IL7R: variants seen among roughly 807,000 people sequenced by gnomAD.
The protein encoded by IL7R is interleukin-7 receptor subunit alpha.
In IL7R, 38 loss-of-function variants were observed where a neutral mutation model predicts 47.0. The ratio of observed to expected loss-of-function variants is 0.81; its 90% CI spans 0.62 to 1.06. The LOEUF (loss-of-function observed/expected upper bound fraction) is 1.06, where lower values mean the gene tolerates loss of function less well. IL7R is among the 50% of genes least tolerant of loss of function. The probability of loss-of-function intolerance (pLI) is 0.00; values close to 1 mark genes in which losing one functional copy is unlikely to be tolerated. For missense variants in IL7R, 633 were observed against 534.8 expected, an observed-to-expected ratio of 1.18 and a Z score of -1.81; for synonymous variants, 221 against 199.8, an observed-to-expected ratio of 1.11 and a Z score of -0.89.
At chr5:35,862,439 A>C (rs1050032845) in intron 2 of IL7R, among the ~76,000 whole-genome samples, 1 of 152,028 alleles carries the variant, frequency 6.6e-6, no homozygotes, top group African/African-American at 2.4e-5. Flanking sequence ...ACCCTTTAAC[A>C]TATCTCTTGA....
intron 5 of IL7R, 28 bp from the exon 6 acceptor site, chr5:35,874,421 C>T (rs1760153391): frequency 6.7e-7 from 1 of 1,495,330 alleles, no homozygotes. Context: ...CTACTGAATG[C>T]TCACCACAAT....
Position 35,876,344 on chromosome 5 carries a change from G to C in IL7R, c.1238G>C (p.Ser413Thr), listed in dbSNP as rs756406426. Residue 413 changes from serine to threonine, a missense_variant, in exon 8 of 8, where the codon AGC (serine) becomes ACC (threonine). Transcript: ENST00000303115. The stretch of plus-strand genomic sequence containing the variant: ...CTGCTTAGCCTTGGGACTACAAACA[G>C]CACGCTGCCCCCTCCATTTTCTCTC... ...DLLLSLGTTN[S>T]TLPPPFSLQS... 18 of 1,613,114 alleles carry C rather than the reference G, an allele frequency of 1.1e-5. No homozygotes were observed. The highest frequency in any genetic ancestry group is 3.3e-5 in the Admixed American group (2 of 59,950).
At position 35,876,458 on chromosome 5, in the gene IL7R, C is replaced by G. The variant is rs1232767842; in HGVS notation, c.1352C>G (p.Thr451Ser). Residue 451 changes from threonine to serine, a missense_variant, in exon 8 of 8, where the codon ACC becomes AGC. By Grantham distance (58) the Thr-to-Ser change is moderately conservative. Transcript: ENST00000303115. ...TCAAATCAAGAAGAAGCATATGTCA[C>G]CATGTCCAGCTTCTACCAAAACCAG... is the stretch of plus-strand genomic sequence containing the variant. ...LGSNQEEAYV[T>S]MSSFYQNQ 6.2e-7 allele frequency: 1 copy of G among 1,604,864 alleles called. No homozygotes were observed. The highest frequency in any genetic ancestry group is 8.5e-7 in the Non-Finnish European group (1 of 1,179,944).
intron 2 of IL7R, 112 bp from the exon 3 acceptor site, chr5:35,867,194 T>C: frequency 2.1e-6 from 2 of 937,438 alleles, no homozygotes; most frequent in Non-Finnish European, 3.4e-6. Flanking sequence ...CCCACCCACA[T>C]ACCTATGAAC....
rs200217234 is a variant in IL7R, at chr5:35,876,296, G to A, written c.1190G>A (p.Gly397Glu). The change falls in exon 8 of 8, where the codon GGG becomes GAG. Residue 397 changes from glycine (G) to glutamate (E), a missense_variant. By Grantham distance (98) the Gly-to-Glu change is moderately conservative (BLOSUM62 -2). Transcript: ENST00000303115. ...SLDCRESGKN[G>E]PHVYQDLLLS... The stretch of plus-strand genomic sequence containing the variant: ...GACTGCAGGGAGAGTGGCAAGAATG[G>A]GCCTCATGTGTACCAGGACCTCCTG... The A allele has an allele frequency of 6.2e-7, 1 of 1,613,926 alleles. No homozygotes were observed. The highest frequency in any genetic ancestry group is 8.5e-7 in the Non-Finnish European group (1 of 1,179,894).
At chr5:35,867,595 T>A (rs746223072) in intron 3 of IL7R, 132 bp downstream of exon 3, 172 of 731,864 alleles carry the variant, frequency 2.4e-4, no homozygotes, top group Non-Finnish European at 3.6e-4. Context: ...AATTCCCTAC[T>A]GTAAATTTTT....
chr5:35,860,835 T>C lies in IL7R; in HGVS notation c.83-17T>C, dbSNP rs772498970. On this transcript the variant is annotated splice_polypyrimidine_tract_variant and intron_variant, in intron 1 of 7. Coordinates refer to ENST00000303115, the MANE Select transcript of IL7R (RefSeq NM_002185.5). ...TTTATTTGTTTCATTAACAGCTGCA[T>C]GTTTGTTCCTCCCCAGGAGACTTGG... 3 of 1,612,822 alleles carry C rather than the reference T, an allele frequency of 1.9e-6. No individual in the cohort carries two copies. Among genetic ancestry groups the C allele is most frequent in the Admixed American group, 1.7e-5 (1 of 59,960 alleles).
intron 3 of IL7R, among the ~76,000 whole-genome samples, chr5:35,869,811 C>G (rs1027744148): frequency 1.3e-5 from 2 of 152,204 alleles, no homozygotes; most frequent in Non-Finnish European, 2.9e-5. Flanking sequence ...CTGCTTCCCT[C>G]TAAGTCCAGG....
At chr5:35,869,242 G>C (rs1760012540) in intron 3 of IL7R, among the ~76,000 whole-genome samples, 1 of 152,140 alleles carries the variant, frequency 6.6e-6, no homozygotes, top group Non-Finnish European at 1.5e-5. Context: ...ACCCAGTAAG[G>C]CTGAAGAGGG....
chr5:35,875,424 C>T, intron 6 of IL7R, 88 bp from the exon 7 acceptor site: 1 of 946,018 alleles, frequency 1.1e-6, no homozygotes, highest in South Asian at 1.3e-5. Context: ...ATCTGTTCTT[C>T]TGATTCCAAG....
intron 4 of IL7R, among the ~76,000 whole-genome samples, chr5:35,871,494 G>A (rs1760074785): frequency 6.6e-6 from 1 of 152,110 alleles, no homozygotes; most frequent in African/African-American, 2.4e-5. Context: ...TTAATCCTCT[G>A]TATTCAGGGG....
rs766895607 is a variant in IL7R at position 35,875,542 on chromosome 5, C to G, written c.831C>G (p.Pro277=). Residue 277 remains proline (P), a synonymous_variant, in exon 7 of 8, where the codon CCC becomes CCG. Coordinates refer to ENST00000303115, the MANE Select transcript of IL7R (RefSeq NM_002185.5). ...RIKPIVWPSL[P]DHKKTLEHLC... ...AGCCTATCGTATGGCCCAGTCTCCC[C>G]GATCATAAGAAGACTCTGGAACATC... is the stretch of plus-strand genomic sequence containing the variant. The G allele has an allele frequency of 6.2e-7, 1 of 1,613,230 alleles. No homozygotes were observed. The highest frequency in any genetic ancestry group is 1.3e-5 in the African/African-American group (1 of 74,870).
rs1760124742 is a variant in IL7R at position 35,873,525 on chromosome 5, C to T, written c.583C>T (p.Leu195Phe). The change falls in exon 5 of 8, where the codon CTC becomes TTC. Residue 195 changes from leucine to phenylalanine, a missense_variant. Physicochemically the swap from Leu to Phe is conservative, Grantham distance 22. Coordinates refer to ENST00000303115, the MANE Select transcript of IL7R (RefSeq NM_002185.5). ...AAAGCTGACACTCCTGCAGAGAAAGCTCCAACCGGCAGCAATGTATGAGAT... is the reference window on the plus strand; with the variant it reads ...AAAGCTGACACTCCTGCAGAGAAAGTTCCAACCGGCAGCAATGTATGAGAT... ...STKLTLLQRK[L>F]QPAAMYEIKV... 3.7e-6 allele frequency: 6 copies of T among 1,614,022 alleles called. No individual in the cohort carries two copies. Among genetic ancestry groups the T allele is most frequent in the South Asian group, 1.1e-5 (1 of 91,074 alleles).
At chr5:35,864,058 G>T (rs1181869396) in intron 2 of IL7R, among the ~76,000 whole-genome samples, 1 of 151,924 alleles carries the variant, frequency 6.6e-6, no homozygotes, top group Admixed American at 6.6e-5. Context: ...CATACCCCAG[G>T]AGCAATCATA....
Position 35,877,565 on chromosome 5 carries a change from C to T in IL7R, c.*1079C>T, listed in dbSNP as rs886060538. 2.1e-5 allele frequency: 5 copies of T among 232,954 alleles called. No homozygotes were observed. Among genetic ancestry groups the T allele is most frequent in the Admixed American group, 5.6e-5 (1 of 17,768 alleles). The allele number at this position is 232,954 out of a possible 1,614,324, so 14.4% of individuals were successfully genotyped here. ...TGACCCTGGACATGGGTACGTTTGACGAGTGAGAGGAGGCATGACCCCTCC... is the reference window on the plus strand; with the variant it reads ...TGACCCTGGACATGGGTACGTTTGATGAGTGAGAGGAGGCATGACCCCTCC... On this transcript the variant is annotated 3_prime_UTR_variant, in exon 8 of 8. Transcript: ENST00000303115.
rs201512867 is a variant in IL7R at position 35,876,808 on chromosome 5, G to A, written c.*322G>A. On this transcript the variant is annotated 3_prime_UTR_variant, in exon 8 of 8. Coordinates refer to ENST00000303115, the MANE Select transcript of IL7R (RefSeq NM_002185.5). ...TTGAGGAGTGAGGAAGGCAGGAAGA[G>A]AGCATGAGAGGAAAGAAAGAAAGGA... 92 of 397,686 alleles carry A rather than the reference G, an allele frequency of 2.3e-4. No homozygotes were observed. Among genetic ancestry groups the A allele is most frequent in the Non-Finnish European group, 2.8e-4 (61 of 219,680 alleles). The allele number at this position is 397,686 out of a possible 1,614,324, so 24.6% of individuals were successfully genotyped here. A position where few individuals can be genotyped will look rare whatever the true frequency, so the allele number is the denominator to read the frequency against.
At chr5:35,863,494 C>T (rs2149897110) in intron 2 of IL7R, among the ~76,000 whole-genome samples, 1 of 152,244 alleles carries the variant, frequency 6.6e-6, no homozygotes, top group Admixed American at 6.5e-5. Flanking sequence ...ATCCAGTTCA[C>T]CAAGGGAAGC....
In IL7R at chr5:35,877,912, G is replaced by T. The variant is rs545436415; in HGVS notation, c.*1426G>T. On this transcript the variant is annotated 3_prime_UTR_variant, in exon 8 of 8. Transcript: ENST00000303115. ...CTGGCTGTTCACAGAACCACAAAGG[G>T]CAGATGCTGCACAGAAAACTAGAGA... 6.0e-5 allele frequency: 14 copies of T among 233,254 alleles called. No homozygotes were observed. The East Asian group carries it at 8.4e-4, about 14-fold the overall frequency. The allele number at this position is 233,254 out of a possible 1,614,324, so 14.4% of individuals were successfully genotyped here.
chr5:35,864,043 A>G (rs1307723082), intron 2 of IL7R, among the ~76,000 whole-genome samples: 1 of 152,048 alleles, frequency 6.6e-6, no homozygotes, highest in Non-Finnish European at 1.5e-5. Context: ...TTTCCAGTCA[A>G]TCTTCATACC....
Sources: gnomAD v4.1 joint callset for allele counts (sites outside exome capture counted in the v4.1 genomes callset) on GRCh38, gnomAD v4.1.1 for gene constraint, MANE v1.5 for transcripts, NCBI Gene and HGNC (gene_info 2026-07-23, HGNC 2026-07-21) for gene names.